The following PCDH15 variants were observed in gnomAD, a reference collection of about 807,000 sequenced individuals.
PCDH15 encodes protocadherin related 15.
Under a neutral mutation model 178.5 loss-of-function variants are expected in PCDH15, and 129 were observed. The ratio of observed to expected loss-of-function variants is 0.72; its 90% CI spans 0.63 to 0.84. The LOEUF is 0.84. PCDH15 is among the 40% of genes least tolerant of loss of function. PCDH15 has a pLI of 0.00. For missense variants in PCDH15, 2,230 were observed against 2,099.9 expected, an observed-to-expected ratio of 1.06 and a Z score of -1.21; for synonymous variants, 800 against 732.0, an observed-to-expected ratio of 1.09 and a Z score of -1.50.
chr10:55,069,588 C>G (rs1423844724), intron 2 of PCDH15, among the ~76,000 whole-genome samples: 2 of 144,144 alleles, frequency 1.4e-5, no homozygotes, highest in African/African-American at 5.2e-5. Flanking sequence ...TCATCCATGT[C>G]CCTACAAAGG....
chr10:54,480,639 T>C (rs759455760), intron 3 of PCDH15, among the ~76,000 whole-genome samples: 29 of 152,142 alleles, frequency 1.9e-4, no homozygotes, highest in Non-Finnish European at 3.8e-4. Context: ...ATGCTGAAAG[T>C]GGATGCTCTT....
At chr10:54,883,920 G>A (rs979221033) in intron 3 of PCDH15, among the ~76,000 whole-genome samples, 4 of 151,958 alleles carry the variant, frequency 2.6e-5, no homozygotes, top group Non-Finnish European at 4.4e-5. Context: ...TAATGTGTAA[G>A]TTGTAGTCCT....
At chr10:54,521,839 C>G (rs868360614) in intron 3 of PCDH15, among the ~76,000 whole-genome samples, 47 of 151,972 alleles carry the variant, frequency 3.1e-4, no homozygotes, top group African/African-American at 1.1e-3. Flanking sequence ...CCTGTAATCC[C>G]AGCACTTTGG....
At chr10:55,442,088 C>A (rs1839200917) in intron 2 of PCDH15, among the ~76,000 whole-genome samples, 1 of 152,024 alleles carries the variant, frequency 6.6e-6, no homozygotes, top group South Asian at 2.1e-4. Flanking sequence ...TCTGTGAGAA[C>A]TAGTAAGTAA....
At chr10:55,013,883 A>C (rs577838701) in intron 2 of PCDH15, among the ~76,000 whole-genome samples, 1 of 152,206 alleles carries the variant, frequency 6.6e-6, no homozygotes, top group African/African-American at 2.4e-5. Flanking sequence ...CAACCCTAGA[A>C]CAGTATTCAA....
chr10:55,151,151 A>G (rs1302982639), intron 2 of PCDH15, among the ~76,000 whole-genome samples: 2 of 152,084 alleles, frequency 1.3e-5, no homozygotes, highest in African/African-American at 4.8e-5. Flanking sequence ...AATTTGCCAG[A>G]TATGTTCCCC....
At chr10:55,512,533 G>A (rs1840909207) in intron 2 of PCDH15, among the ~76,000 whole-genome samples, 1 of 151,922 alleles carries the variant, frequency 6.6e-6, no homozygotes, top group Admixed American at 6.6e-5. Context: ...ATGACTAACA[G>A]GTATTTGAGA....
chr10:54,812,111 C>A (rs1010774249), intron 3 of PCDH15, among the ~76,000 whole-genome samples: 1 of 152,002 alleles, frequency 6.6e-6, no homozygotes, highest in African/African-American at 2.4e-5. Flanking sequence ...ATGAGAATAT[C>A]AGTTATAAAA....
chr10:55,007,517 T>C (rs894454550), intron 2 of PCDH15, among the ~76,000 whole-genome samples: 18 of 145,862 alleles, frequency 1.2e-4, no homozygotes, highest in African/African-American at 4.3e-4. Context: ...TAACAGTATA[T>C]GAGGTTGGCA....
chr10:55,016,098 T>TAAAA (rs199893494), intron 2 of PCDH15, among the ~76,000 whole-genome samples: 1 of 115,610 alleles, frequency 8.6e-6, no homozygotes, highest in Non-Finnish European at 1.7e-5. Context: ...CTTTTTTTTT[T>TAAAA]AAAAAAAAAA....
chr10:54,554,111 C>T (rs2086905630), intron 2 of PCDH15, among the ~76,000 whole-genome samples: 4 of 152,052 alleles, frequency 2.6e-5, no homozygotes, highest in Admixed American at 2.0e-4. Flanking sequence ...ATTCCTATTA[C>T]AATGTGAACT....
chr10:53,925,811 G>A (rs908230578), intron 25 of PCDH15, among the ~76,000 whole-genome samples: 2 of 152,192 alleles, frequency 1.3e-5, no homozygotes, highest in Non-Finnish European at 2.9e-5. Context: ...GGGAGGTCAA[G>A]AGATACTTTT....
intron 1 of PCDH15, among the ~76,000 whole-genome samples, chr10:55,200,408 T>TGCCTGTA (rs1434986004): frequency 6.6e-6 from 1 of 152,154 alleles, no homozygotes; most frequent in Non-Finnish European, 1.5e-5. Context: ...ATTTACCCAA[T>TGCCTGTA]GCCTGTAGCC....
chr10:54,645,954 C>T (rs911540181), intron 2 of PCDH15, among the ~76,000 whole-genome samples: 10 of 152,012 alleles, frequency 6.6e-5, no homozygotes, highest in Non-Finnish European at 1.0e-4. Flanking sequence ...TTAGAGACCA[C>T]TCATCAAAAA....
intron 2 of PCDH15, among the ~76,000 whole-genome samples, chr10:55,102,694 TC>T (rs1842600465): frequency 6.6e-6 from 1 of 152,066 alleles, no homozygotes; most frequent in Non-Finnish European, 1.5e-5. Context: ...AAGGCACTGA[TC>T]CCTGCAGAGT....
chr10:55,242,189 T>C (rs58448997), intron 1 of PCDH15, among the ~76,000 whole-genome samples: 21,535 of 152,176 alleles, frequency 0.14, 1,634 homozygotes, highest in East Asian at 0.27. Flanking sequence ...CAACCACTGG[T>C]GTTGCTTCAG....
chr10:55,371,959 AT>A (rs1845517871), intron 2 of PCDH15, among the ~76,000 whole-genome samples: 1 of 152,162 alleles, frequency 6.6e-6, no homozygotes, highest in African/African-American at 2.4e-5. Context: ...GTCCAAGGTA[AT>A]TTCTCTAAAT....
At chr10:53,825,279 G>A (rs1564547167) in intron 32 of PCDH15, 3 of 992,338 alleles carry the variant, frequency 3.0e-6, no homozygotes, top group East Asian at 3.2e-5. Context: ...TCAAAAAAAA[G>A]GCATGTTTTT....
chr10:55,554,212 G>A (rs552795408), intron 2 of PCDH15, among the ~76,000 whole-genome samples: 1 of 152,024 alleles, frequency 6.6e-6, no homozygotes, highest in Non-Finnish European at 1.5e-5. Context: ...GCATTAGGAA[G>A]CTGCAACATT....
Sources: gnomAD v4.1 joint callset for allele counts (sites outside exome capture counted in the v4.1 genomes callset) on GRCh38, gnomAD v4.1.1 for gene constraint, MANE v1.5 for transcripts, NCBI Gene and HGNC (gene_info 2026-07-23, HGNC 2026-07-21) for gene names.